The following BLM variants were observed in gnomAD, a reference collection of about 807,000 sequenced individuals.
BLM encodes BLM RecQ like helicase.
Under a neutral mutation model 135.3 loss-of-function variants are expected in BLM, and 95 were observed. The ratio of observed to expected loss-of-function variants is 0.70; its 90% CI spans 0.59 to 0.83. The LOEUF (loss-of-function observed/expected upper bound fraction) is 0.83, where lower values mean the gene tolerates loss of function less well. Ranked by LOEUF, BLM falls within the 40% of genes least tolerant of loss-of-function variation. BLM has a pLI of 0.00. For missense variants in BLM, 1,518 were observed against 1,663.9 expected, an observed-to-expected ratio of 0.91 and a Z score of 1.53; for synonymous variants, 520 against 589.2, an observed-to-expected ratio of 0.88 and a Z score of 1.70.
At position 90,766,992 on chromosome 15, in the gene BLM, T is replaced by A. The variant is rs1056077835; in HGVS notation, c.2276T>A (p.Ile759Asn). 1.9e-6 allele frequency: 3 copies of A among 1,589,360 alleles called. No homozygotes were observed. The highest frequency in any genetic ancestry group is 2.6e-6 in the Non-Finnish European group (3 of 1,158,892). ...IYLQLSKKDP[I>N]IKLLYVTPEK... ...CTCCAGTTATCAAAAAAAGACCCAATCATAAAACTTCTATATGTCACTCCA... is the reference window on the plus strand; with the variant it reads ...CTCCAGTTATCAAAAAAAGACCCAAACATAAAACTTCTATATGTCACTCCA... The change falls in exon 10 of 22, where the codon ATC (isoleucine) becomes AAC (asparagine). Residue 759 changes from isoleucine to asparagine, a missense_variant. Ile to Asn is a moderately radical substitution (Grantham distance 149). Transcript: ENST00000355112.
intron 1 of BLM, among the ~76,000 whole-genome samples, chr15:90,722,278 T>G (rs1432921943): frequency 6.6e-6 from 1 of 151,944 alleles, no homozygotes; most frequent in East Asian, 2.0e-4. Context: ...CCCGGCTAAT[T>G]TTTTGTATTT....
At chr15:90,719,990 A>G (rs1894723912) in intron 1 of BLM, among the ~76,000 whole-genome samples, 1 of 152,078 alleles carries the variant, frequency 6.6e-6, no homozygotes, top group Non-Finnish European at 1.5e-5. Context: ...CTTCTTCACA[A>G]CCTCAGTCCT....
At chr15:90,739,114 G>T (rs893433056) in intron 1 of BLM, among the ~76,000 whole-genome samples, 2 of 152,038 alleles carry the variant, frequency 1.3e-5, no homozygotes, top group South Asian at 2.1e-4. Flanking sequence ...AGGAAGGAGC[G>T]GCCAGGCGCG....
intron 14 of BLM, among the ~76,000 whole-genome samples, chr15:90,786,180 G>T (rs995459667): frequency 4.0e-5 from 6 of 151,554 alleles, no homozygotes; most frequent in African/African-American, 1.2e-4. Flanking sequence ...TATAGACGAG[G>T]TCTCCCTGTG....
chr15:90,805,431 A>G (rs574289314), intron 19 of BLM, among the ~76,000 whole-genome samples: 68 of 151,984 alleles, frequency 4.5e-4, no homozygotes, highest in African/African-American at 1.6e-3. Context: ...TATATAACAC[A>G]GCTAAACACT....
intron 13 of BLM, among the ~76,000 whole-genome samples, chr15:90,783,860 C>T (rs762204692): frequency 8.6e-5 from 13 of 152,014 alleles, no homozygotes; most frequent in Non-Finnish European, 1.8e-4. Context: ...CACTGCACTC[C>T]GGCCTGGGCG....
intron 15 of BLM, among the ~76,000 whole-genome samples, chr15:90,793,097 T>A (rs1896945394): frequency 6.6e-6 from 1 of 150,898 alleles, no homozygotes; most frequent in Non-Finnish European, 1.5e-5. Flanking sequence ...AAAATACTCA[T>A]AAACTGGAAG....
At chr15:90,784,865 G>T in intron 13 of BLM, 56 bp from the exon 14 acceptor site, 8 of 1,556,752 alleles carry the variant, frequency 5.1e-6, no homozygotes, top group Non-Finnish European at 7.1e-6. Context: ...AGTGTAAATT[G>T]TGTTTTTGTT....
intron 14 of BLM, among the ~76,000 whole-genome samples, chr15:90,786,704 C>G (rs899339904): frequency 1.3e-5 from 2 of 151,896 alleles, no homozygotes; most frequent in African/African-American, 4.8e-5. Flanking sequence ...GAACTTCCGC[C>G]TCCTGGTTCA....
rs115190112 is a variant in BLM, at chr15:90,742,294, G to C, written c.-4-5095G>C. On this transcript the variant is annotated intron_variant, in intron 1 of 21. Coordinates refer to ENST00000355112, the MANE Select transcript of BLM (RefSeq NM_000057.4). ...CTCCTCCCCTTTGAACAGTCACTGAGTGAGGCTTACAGAGCGACGCTCTGT... is the reference window on the plus strand; with the variant it reads ...CTCCTCCCCTTTGAACAGTCACTGACTGAGGCTTACAGAGCGACGCTCTGT... Among the ~76,000 whole-genome samples, 1,172 of 150,702 alleles carry C rather than the reference G, an allele frequency of 7.8e-3. 15 individuals carry two copies. The highest frequency in any genetic ancestry group is 0.028 in the African/African-American group (1,120 of 40,196).
intron 1 of BLM, among the ~76,000 whole-genome samples, chr15:90,745,558 C>T (rs1445650198): frequency 6.6e-6 from 1 of 151,982 alleles, no homozygotes; most frequent in African/African-American, 2.4e-5. Flanking sequence ...CACAGGCCCG[C>T]ACCACCATGC....
intron 2 of BLM, among the ~76,000 whole-genome samples, chr15:90,748,481 C>G (rs963104788): frequency 6.6e-6 from 1 of 152,156 alleles, no homozygotes; most frequent in Admixed American, 6.6e-5. Context: ...AGTTCTGCCT[C>G]TCCTCTAAGC....
intron 14 of BLM, among the ~76,000 whole-genome samples, chr15:90,789,987 GTTTTTTTTTTTTTTTTTTTTTTTTT>G (rs61059865): frequency 1.2e-4 from 7 of 57,358 alleles, no homozygotes; most frequent in African/African-American, 3.7e-4. Context: ...AGTCCCTGGT[GTTTTTTTTTTTTTTTTTTTTTTTTT>G]TTTTTTTTTT....
chr15:90,803,005 A>G (rs1897198205), intron 17 of BLM, among the ~76,000 whole-genome samples: 1 of 152,066 alleles, frequency 6.6e-6, no homozygotes, highest in Non-Finnish European at 1.5e-5. Context: ...AATATTTAAA[A>G]TTTTTAAATT....
chr15:90,807,076 C>T (rs1897301752), intron 19 of BLM, among the ~76,000 whole-genome samples: 1 of 152,150 alleles, frequency 6.6e-6, no homozygotes, highest in Admixed American at 6.5e-5. Flanking sequence ...TTGACTGAGT[C>T]GTCCATGTCT....
rs1033769525 is a variant in BLM at position 90,754,841 on chromosome 15, A to G, written c.990A>G (p.Arg330=). ...TAAAGGACCTTGACACCTCTGACAG[A>G]AAAGAGGATGTTCTTAGCACATCAA... is the stretch of plus-strand genomic sequence containing the variant. ...STLKDLDTSD[R]KEDVLSTSKD... is the part of the protein sequence containing the mutation. The change falls in exon 5 of 22, where the codon AGA becomes AGG. Residue 330 remains arginine (R), a synonymous_variant. Coordinates refer to ENST00000355112, the MANE Select transcript of BLM (RefSeq NM_000057.4). The G allele has an allele frequency of 6.2e-7, 1 of 1,613,994 alleles. No individual in the cohort carries two copies. The highest frequency in any genetic ancestry group is 1.3e-5 in the African/African-American group (1 of 75,056).
intron 1 of BLM, among the ~76,000 whole-genome samples, chr15:90,722,402 C>G (rs1894794695): frequency 6.6e-6 from 1 of 152,086 alleles, no homozygotes; most frequent in Non-Finnish European, 1.5e-5. Flanking sequence ...AGCCGCCGTG[C>G]CCAGCAAAAA....
intron 20 of BLM, among the ~76,000 whole-genome samples, chr15:90,810,711 A>G (rs906176776): frequency 6.6e-6 from 1 of 152,230 alleles, no homozygotes; most frequent in Non-Finnish European, 1.5e-5. Context: ...AAAGAGTAAA[A>G]TAGGATCTAG....
intron 4 of BLM, 140 bp downstream of exon 4, chr15:90,752,086 A>G (rs1168246450): frequency 7.3e-6 from 6 of 827,360 alleles, no homozygotes; most frequent in Non-Finnish European, 9.1e-6. Flanking sequence ...AGCCTCAAAA[A>G]AAAACCCTGT....
Sources: allele counts gnomAD v4.1 joint callset (sites outside exome capture counted in the v4.1 genomes callset), GRCh38; gene constraint gnomAD v4.1.1; transcripts MANE v1.5; gene names NCBI Gene and HGNC (gene_info 2026-07-23, HGNC 2026-07-21).